Variants in GUCY2C observed in about 807,000 individuals in gnomAD.
GUCY2C encodes the protein guanylyl cyclase C.
GUCY2C carries 118 observed loss-of-function variants against 131.1 expected under a neutral mutation model. The ratio of observed to expected loss-of-function variants is 0.90; its 90% confidence interval spans 0.78 to 1.05. The LOEUF (loss-of-function observed/expected upper bound fraction) is 1.05. Ranked by LOEUF, GUCY2C falls within the 50% of genes least tolerant of loss-of-function variation. The pLI, the probability that GUCY2C is intolerant of heterozygous loss-of-function variation, is 0.00. For synonymous variants in GUCY2C, 452 were observed against 457.8 expected (o/e 0.99, Z 0.16); for missense variants, 1,161 against 1,304.4 (o/e 0.89, Z 1.69).
chr12:14,646,965 T>C (rs1296337040), intron 15 of GUCY2C, among the ~76,000 whole-genome samples: 1 of 152,142 alleles, frequency 6.6e-6, no homozygotes, highest in East Asian at 1.9e-4. Context: ...ATTTGACCCC[T>C]AAAATCTGGG....
In GUCY2C at chr12:14,622,157, G is replaced by T; in HGVS notation, c.2449C>A (p.Pro817Thr). The T allele has an allele frequency of 1.9e-6, 3 of 1,585,258 alleles. No homozygotes were observed. Among genetic ancestry groups the T allele is most frequent in the Non-Finnish European group, 2.6e-6 (3 of 1,168,656 alleles). The change falls in exon 22 of 27, where the codon CCG becomes ACG. Residue 817 changes from proline (P) to threonine (T), a missense_variant. Pro to Thr is a conservative substitution (Grantham distance 38). Transcript: ENST00000261170. ...ATTGTAACTTCCTCATATAGTTCCGGCTCCACAAAGCCTTTCTCCTTCAGA... is the reference window on the plus strand; with the variant it reads ...ATTGTAACTTCCTCATATAGTTCCGTCTCCACAAAGCCTTTCTCCTTCAGA... ...KSLKEKGFVE[P>T]ELYEEVTIYF...
At chr12:14,625,989 A>G (rs1237198076) in intron 20 of GUCY2C, 74 bp from the exon 21 acceptor site, 1 of 855,904 alleles carries the variant, frequency 1.2e-6, no homozygotes, top group Non-Finnish European at 1.9e-6. Context: ...ACAATGGACA[A>G]ATATGATGAA....
intron 11 of GUCY2C, among the ~76,000 whole-genome samples, chr12:14,658,143 AT>A (rs1461888692): frequency 2.6e-5 from 4 of 151,994 alleles, no homozygotes; most frequent in African/African-American, 9.7e-5. Flanking sequence ...AATTTTGCTC[AT>A]TTTTTCCTAG....
chr12:14,669,424 C>T (rs1303458967), intron 10 of GUCY2C, among the ~76,000 whole-genome samples: 1 of 151,700 alleles, frequency 6.6e-6, no homozygotes, highest in Non-Finnish European at 1.5e-5. Flanking sequence ...CCATGTTGCC[C>T]AGGCTGGTCT....
At chr12:14,633,883 A>G (rs1947206092) in intron 19 of GUCY2C, among the ~76,000 whole-genome samples, 1 of 152,106 alleles carries the variant, frequency 6.6e-6, no homozygotes, top group Non-Finnish European at 1.5e-5. Flanking sequence ...AAGAACAAAA[A>G]TGAATGAGCA....
At chr12:14,667,146 A>G (rs935639427) in intron 10 of GUCY2C, among the ~76,000 whole-genome samples, 2 of 152,212 alleles carry the variant, frequency 1.3e-5, no homozygotes, top group Non-Finnish European at 2.9e-5. Context: ...AATAACCAAA[A>G]TACCAAAAAA....
At chr12:14,670,773 C>A (rs973721103) in intron 9 of GUCY2C, among the ~76,000 whole-genome samples, 2 of 151,798 alleles carry the variant, frequency 1.3e-5, no homozygotes, top group Non-Finnish European at 2.9e-5. Context: ...GATTGCGAGG[C>A]CTCCCCAGCC....
At chr12:14,650,040 T>C (rs905142840) in intron 15 of GUCY2C, among the ~76,000 whole-genome samples, 1 of 152,216 alleles carries the variant, frequency 6.6e-6, no homozygotes, top group Non-Finnish European at 1.5e-5. Flanking sequence ...CAATTTCGTG[T>C]ATTTGCATGT....
intron 20 of GUCY2C, among the ~76,000 whole-genome samples, chr12:14,627,157 A>T (rs996970366): frequency 5.3e-5 from 8 of 152,206 alleles, no homozygotes; most frequent in African/African-American, 1.9e-4. Context: ...TAATGTTCAT[A>T]ACATCTAAGG....
intron 15 of GUCY2C, among the ~76,000 whole-genome samples, chr12:14,649,953 C>T (rs1461725180): frequency 1.3e-5 from 2 of 151,994 alleles, no homozygotes; most frequent in African/African-American, 2.4e-5. Flanking sequence ...GAAACTTTCC[C>T]TTTTTAAAGA....
At chr12:14,629,000 A>C (rs1172337313) in intron 19 of GUCY2C, among the ~76,000 whole-genome samples, 1 of 152,242 alleles carries the variant, frequency 6.6e-6, no homozygotes, top group Non-Finnish European at 1.5e-5. Flanking sequence ...ACGGGAGACT[A>C]AGTGAATTTA....
chr12:14,616,808 A>G (rs1946773170), intron 24 of GUCY2C, 81 bp from the exon 25 acceptor site: 3 of 790,280 alleles, frequency 3.8e-6, no homozygotes, highest in Admixed American at 3.6e-5. Flanking sequence ...TATCAACAAC[A>G]CCTGAGACAA....
chr12:14,641,189 T>G lies in GUCY2C; in HGVS notation c.1961A>C (p.Gln654Pro). The G allele has an allele frequency of 1.2e-6, 2 of 1,613,676 alleles. No homozygotes were observed. Among genetic ancestry groups the G allele is most frequent in the Non-Finnish European group, 8.5e-7 (1 of 1,179,960 alleles). ...ATCTCCTTTCTGAGAGATGTTGGCT[T>G]GGCGGAGGTGCTCTGGAGCTGTCCA... Reference protein sequence around the residue: ...DLWTAPEHLRQANISQKGDVY... With the variant: ...DLWTAPEHLRPANISQKGDVY... Residue 654 changes from glutamine (Q) to proline (P), a missense_variant, in exon 18 of 27, where the codon CAA becomes CCA. By Grantham distance (76) the Gln-to-Pro change is moderately conservative (BLOSUM62 -1). Coordinates refer to ENST00000261170, the MANE Select transcript of GUCY2C (RefSeq NM_004963.4).
intron 10 of GUCY2C, among the ~76,000 whole-genome samples, chr12:14,666,995 A>C (rs1175153226): frequency 6.6e-6 from 1 of 152,096 alleles, no homozygotes. Flanking sequence ...TTTAATGTTC[A>C]CTTTAGGAAC....
intron 19 of GUCY2C, among the ~76,000 whole-genome samples, chr12:14,628,989 T>C (rs1435384852): frequency 6.6e-6 from 1 of 152,198 alleles, no homozygotes; most frequent in African/African-American, 2.4e-5. Context: ...GCCGGGTTGA[T>C]ACGGGAGACT....
At chr12:14,677,002 A>G in intron 6 of GUCY2C, 31 bp from the exon 7 acceptor site, 1 of 731,436 alleles carries the variant, frequency 1.4e-6, no homozygotes, top group South Asian at 2.4e-5. Context: ...TCCTCATGAA[A>G]ATTAGGAAAA....
In GUCY2C at chr12:14,616,745, C is replaced by G; in HGVS notation, c.2876-18G>C. On this transcript the variant is annotated intron_variant, in intron 24 of 26. Transcript: ENST00000261170. The stretch of plus-strand genomic sequence containing the variant: ...TCTCAAAGCTGGAAATGCAAATTGA[C>G]AAATAAAAATCCCAGCTAGTACACA... 1 of 1,480,476 alleles carries G rather than the reference C, an allele frequency of 6.8e-7. No individual in the cohort carries two copies. Among genetic ancestry groups the G allele is most frequent in the Non-Finnish European group, 9.4e-7 (1 of 1,058,408 alleles). 91.7% of individuals were successfully genotyped at this position (1,480,476 alleles called of 1,614,324 possible). A position where few individuals can be genotyped will look rare whatever the true frequency, so the allele number is the denominator to read the frequency against.
chr12:14,616,559 G>A, intron 25 of GUCY2C, 74 bp downstream of exon 25: 1 of 832,178 alleles, frequency 1.2e-6, no homozygotes, highest in African/African-American at 1.7e-5. Context: ...CAACTTTCCT[G>A]GCCAAGTCTC....
At chr12:14,639,720 G>T in intron 19 of GUCY2C, 142 bp downstream of exon 19, 1 of 616,966 alleles carries the variant, frequency 1.6e-6, no homozygotes, top group Non-Finnish European at 2.9e-6. Flanking sequence ...TCTTCTGGAG[G>T]AAGTGTGGCC....
Sources: gnomAD v4.1 joint callset for allele counts (sites outside exome capture counted in the v4.1 genomes callset) on GRCh38, gnomAD v4.1.1 for gene constraint, MANE v1.5 for transcripts, NCBI Gene and HGNC (gene_info 2026-07-23, HGNC 2026-07-21) for gene names.